CERK: variants seen among roughly 807,000 people sequenced by gnomAD.
The protein encoded by CERK is ceramide kinase.
A neutral mutation model predicts 63.4 loss-of-function variants in CERK; 39 were observed. The ratio of observed to expected loss-of-function variants is 0.61; its 90% confidence interval spans 0.48 to 0.80. CERK has a LOEUF of 0.80. Among genes scored for constraint, CERK ranks in the 30% least tolerant of loss-of-function variants. CERK has a pLI of 0.00. For synonymous variants in CERK, 302 were observed against 280.0 expected (o/e 1.08, Z -0.78); for missense variants, 670 against 714.1 (o/e 0.94, Z 0.70).
intron 7 of CERK, among the ~76,000 whole-genome samples, chr22:46,699,990 C>T (rs1015887104): frequency 4.0e-5 from 6 of 151,804 alleles, no homozygotes; most frequent in Admixed American, 6.6e-5. Context: ...TGGCGAGGCT[C>T]AGGCAGGAGA....
chr22:46,722,841 C>G (rs1005772184), intron 1 of CERK, among the ~76,000 whole-genome samples: 1 of 152,166 alleles, frequency 6.6e-6, no homozygotes, highest in African/African-American at 2.4e-5. Context: ...CCAGAAGGAG[C>G]GACACAGGTG....
In CERK at chr22:46,685,678, T is replaced by C. The variant is rs1310009158; in HGVS notation, c.*1456A>G. ...TGGCTTGCACAGTGCTCTCTGATAA[T>C]GTGGTCCATAAAAACCACCATTAAA... On this transcript the variant is annotated 3_prime_UTR_variant, in exon 13 of 13. Coordinates refer to ENST00000216264, the MANE Select transcript of CERK (RefSeq NM_022766.6). 6.6e-6 allele frequency: 1 copy of C among 152,222 alleles called. No individual in the cohort carries two copies. The highest frequency in any genetic ancestry group is 1.5e-5 in the Non-Finnish European group (1 of 68,028). The allele number at this position is 152,222 out of a possible 1,614,324, so 9.4% of individuals were successfully genotyped here. A position where few individuals can be genotyped will look rare whatever the true frequency, so the allele number is the denominator to read the frequency against.
At chr22:46,734,067 C>CATATAT (rs59207182) in intron 1 of CERK, among the ~76,000 whole-genome samples, 297 of 145,402 alleles carry the variant, frequency 2.0e-3, no homozygotes, top group Middle Eastern at 0.011. Context: ...TACATACATA[C>CATATAT]ATATATATAT....
chr22:46,702,659 G>C (rs1011594802), intron 6 of CERK, among the ~76,000 whole-genome samples: 1 of 152,250 alleles, frequency 6.6e-6, no homozygotes, highest in Non-Finnish European at 1.5e-5. Context: ...CTTAATACCA[G>C]GACAGCCAGG....
intron 8 of CERK, among the ~76,000 whole-genome samples, chr22:46,696,416 C>A (rs577584194): frequency 6.6e-6 from 1 of 152,288 alleles, no homozygotes; most frequent in East Asian, 1.9e-4. Flanking sequence ...AGGAGGCCGA[C>A]CCACTGGTCA....
chr22:46,723,698 G>T (rs1015225081), intron 1 of CERK, among the ~76,000 whole-genome samples: 24 of 151,952 alleles, frequency 1.6e-4, no homozygotes, highest in African/African-American at 5.8e-4. Flanking sequence ...CCACTAATGT[G>T]GGGTTTTCTT....
At chr22:46,707,670 A>C (rs545110281) in intron 6 of CERK, among the ~76,000 whole-genome samples, 173 bp downstream of exon 6, 5 of 152,124 alleles carry the variant, frequency 3.3e-5, no homozygotes, top group Admixed American at 2.6e-4. Context: ...TGTCTATTTC[A>C]TTGGGGTCAT....
chr22:46,690,492 T>C (rs549190732), intron 11 of CERK, among the ~76,000 whole-genome samples: 1 of 152,248 alleles, frequency 6.6e-6, no homozygotes, highest in South Asian at 2.1e-4. Context: ...TTCTAATGCT[T>C]TTAGAAACCA....
At chr22:46,732,231 G>A (rs2082949012) in intron 1 of CERK, among the ~76,000 whole-genome samples, 2 of 151,714 alleles carry the variant, frequency 1.3e-5, no homozygotes, top group Admixed American at 1.3e-4. Context: ...GTATGCGGGT[G>A]ACAGGCTGGC....
intron 2 of CERK, among the ~76,000 whole-genome samples, chr22:46,720,570 C>T (rs936463879): frequency 2.6e-5 from 4 of 152,134 alleles, no homozygotes; most frequent in Admixed American, 2.6e-4. Context: ...GTGGCGGGCA[C>T]CTATAATCCC....
In CERK at chr22:46,738,043, G is replaced by T. The variant is rs1482913203; in HGVS notation, c.106C>A (p.Arg36=). 8.3e-7 allele frequency: 1 copy of T among 1,210,974 alleles called. No homozygotes were observed. Among genetic ancestry groups the T allele is most frequent in the Non-Finnish European group, 1.0e-6 (1 of 975,204 alleles). 75.0% of individuals were successfully genotyped at this position (1,210,974 alleles called of 1,614,324 possible). A position where few individuals can be genotyped will look rare whatever the true frequency, so the allele number is the denominator to read the frequency against. ...GCGCCGGCTCCGGGCCCCGGGCTCC[G>T]CCACCAGCGCAGCAGAGCCCGCGCG... ...EPARALLRWW[R]SPGPGAGAPG... is the part of the protein sequence containing the mutation. Residue 36 remains arginine (R), a synonymous_variant, in exon 1 of 13, where the codon CGG becomes AGG. Coordinates refer to ENST00000216264, the MANE Select transcript of CERK (RefSeq NM_022766.6).
chr22:46,692,463 A>C (rs2082736703), intron 10 of CERK, among the ~76,000 whole-genome samples: 1 of 147,986 alleles, frequency 6.8e-6, no homozygotes. Flanking sequence ...TTAGCCAGGT[A>C]TGGCGGCAGG....
chr22:46,696,068 C>T (rs2082754600), intron 8 of CERK, among the ~76,000 whole-genome samples: 1 of 152,166 alleles, frequency 6.6e-6, no homozygotes, highest in African/African-American at 2.4e-5. Context: ...GCAGGGCCGT[C>T]ACACACAACC....
chr22:46,716,454 G>A (rs1425812011), intron 3 of CERK, among the ~76,000 whole-genome samples: 1 of 149,694 alleles, frequency 6.7e-6, no homozygotes, highest in African/African-American at 2.5e-5. Flanking sequence ...GCCTCCCAAA[G>A]TGCTAGGATT....
chr22:46,696,820 T>C (rs801709), intron 8 of CERK, among the ~76,000 whole-genome samples: 81,643 of 151,236 alleles, frequency 0.54, 23,410 homozygotes, highest in African/African-American at 0.73. Flanking sequence ...CCACTGCCTG[T>C]GGTGATGGGC....
intron 3 of CERK, among the ~76,000 whole-genome samples, chr22:46,715,615 G>T (rs1404754513): frequency 6.6e-6 from 1 of 152,188 alleles, no homozygotes; most frequent in African/African-American, 2.4e-5. Flanking sequence ...GAGCCCACTA[G>T]TTCAAGGCCA....
chr22:46,703,001 C>T (rs2146557575), intron 6 of CERK, among the ~76,000 whole-genome samples: 1 of 152,262 alleles, frequency 6.6e-6, no homozygotes, highest in South Asian at 2.1e-4. Flanking sequence ...GGACGGGGCT[C>T]CAGGGGGGTT....
chr22:46,714,307 G>T lies in CERK; in HGVS notation c.380-2014C>A, dbSNP rs73473210. On this transcript the variant is annotated intron_variant, in intron 3 of 12. Transcript: ENST00000216264. The surrounding 1 kb of genome is among the most constrained non-coding windows in gnomAD (Gnocchi z 4.4). ...ACAAACAAACAAATTAGCTGGGTGT[G>T]GTGGTATGCCCTTGTAGTCCCAGCT... 0.064 allele frequency among the ~76,000 whole-genome samples: 9,753 copies of T among 152,100 alleles called. 426 individuals are homozygous for T. The highest frequency in any genetic ancestry group is 0.076 in the Non-Finnish European group (5,169 of 68,002).
intron 12 of CERK, among the ~76,000 whole-genome samples, chr22:46,689,056 G>A (rs975511225): frequency 5.3e-5 from 8 of 152,246 alleles, no homozygotes; most frequent in Non-Finnish European, 7.3e-5. Flanking sequence ...GGTGTGGGGA[G>A]GACACCACTT....
Sources: gnomAD v4.1 joint callset for allele counts (sites outside exome capture counted in the v4.1 genomes callset) on GRCh38, gnomAD v4.1.1 for gene constraint, Gnocchi (gnomAD v3.1) non-coding constraint, MANE v1.5 for transcripts, NCBI Gene and HGNC (gene_info 2026-07-23, HGNC 2026-07-21) for gene names.